Variants in NRXN3 observed in about 807,000 individuals in gnomAD.
The protein encoded by NRXN3 is neurexin III.
Under a neutral mutation model 137.6 loss-of-function variants are expected in NRXN3, and 32 were observed. The observed-to-expected ratio is 0.23, with a 90% CI of 0.18 to 0.31. The LOEUF (loss-of-function observed/expected upper bound fraction) is 0.31, where lower values mean the gene tolerates loss of function less well. Among genes scored for constraint, NRXN3 ranks in the 10% least tolerant of loss-of-function variants. NRXN3 has a pLI of 1.00. For missense variants in NRXN3, 1,574 were observed against 2,062.5 expected, an observed-to-expected ratio of 0.76 and a Z score of 4.59; for synonymous variants, 798 against 784.5, an observed-to-expected ratio of 1.02 and a Z score of -0.29.
chr14:79,163,626 T>C (rs2061010966), intron 15 of NRXN3, among the ~76,000 whole-genome samples: 1 of 151,964 alleles, frequency 6.6e-6, no homozygotes, highest in African/African-American at 2.4e-5. Flanking sequence ...TATCTCTTCC[T>C]TATTCCTCCA....
chr14:79,649,662 T>C (rs2098467061), intron 16 of NRXN3, among the ~76,000 whole-genome samples: 1 of 152,192 alleles, frequency 6.6e-6, no homozygotes, highest in Non-Finnish European at 1.5e-5. Flanking sequence ...TTTTAGAAAG[T>C]AGAAAAGCTG....
chr14:79,237,317 T>C (rs2073553342), intron 15 of NRXN3, among the ~76,000 whole-genome samples: 1 of 152,132 alleles, frequency 6.6e-6, no homozygotes, highest in Non-Finnish European at 1.5e-5. Flanking sequence ...TAGTGATACA[T>C]TTAAGATTAA....
At chr14:78,796,878 C>G (rs567479929) in intron 8 of NRXN3, among the ~76,000 whole-genome samples, 2 of 152,230 alleles carry the variant, frequency 1.3e-5, no homozygotes, top group East Asian at 3.9e-4. Flanking sequence ...ATCGTTCATT[C>G]TTGGTGGTCT....
At position 78,533,099 on chromosome 14, in the gene NRXN3, C is replaced by CTTTTTT. The variant is rs71452898; in HGVS notation, c.758-112008_758-112003dup. Among the ~76,000 whole-genome samples the CTTTTTT allele has an allele frequency of 9.6e-4, 115 of 120,046 alleles. 5 individuals are homozygous for CTTTTTT. Among genetic ancestry groups the CTTTTTT allele is most frequent in the African/African-American group, 2.4e-3 (75 of 31,862 alleles). 78.8% of individuals were successfully genotyped at this position (120,046 alleles called of 152,430 possible). A position where few individuals can be genotyped will look rare whatever the true frequency, so the allele number is the denominator to read the frequency against. On this transcript the variant is annotated intron_variant, in intron 4 of 20. Coordinates refer to ENST00000335750, the MANE Select transcript of NRXN3 (RefSeq NM_001330195.2). ...ATATCTCTCTCTCTCTCCCTCCAGC[C>CTTTTTT]TTTTTTTTTTTTTTTTTTGAGATGG...
intron 20 of NRXN3, among the ~76,000 whole-genome samples, chr14:79,826,021 A>C (rs1186972415): frequency 6.6e-6 from 1 of 151,932 alleles, no homozygotes; most frequent in African/African-American, 2.4e-5. Flanking sequence ...GTGGGGGGAC[A>C]GTCTCACTCT....
intron 8 of NRXN3, among the ~76,000 whole-genome samples, chr14:78,723,089 C>T (rs1028222688): frequency 5.9e-5 from 9 of 152,098 alleles, no homozygotes; most frequent in African/African-American, 1.9e-4. Flanking sequence ...GTGACAGGGC[C>T]AGCCAGCCAT....
chr14:79,655,488 C>T (rs770083203), intron 16 of NRXN3, among the ~76,000 whole-genome samples: 1 of 152,192 alleles, frequency 6.6e-6, no homozygotes, highest in Non-Finnish European at 1.5e-5. Flanking sequence ...TGCATGTGTG[C>T]CTGTTGTGTG....
chr14:79,730,613 T>A (rs1225765472), intron 19 of NRXN3, among the ~76,000 whole-genome samples: 1 of 152,210 alleles, frequency 6.6e-6, no homozygotes, highest in Non-Finnish European at 1.5e-5. Flanking sequence ...GAGTACATTT[T>A]TATCTCTGTA....
At chr14:79,129,013 C>T (rs904204878) in intron 15 of NRXN3, among the ~76,000 whole-genome samples, 29 of 152,270 alleles carry the variant, frequency 1.9e-4, no homozygotes, top group East Asian at 5.8e-4. Flanking sequence ...TCTGTGGGAT[C>T]GGTGGAGATA....
At chr14:78,692,967 C>T (rs1199051612) in intron 6 of NRXN3, among the ~76,000 whole-genome samples, 5 of 151,708 alleles carry the variant, frequency 3.3e-5, no homozygotes, top group African/African-American at 1.2e-4. Context: ...TCTGCAGTCC[C>T]AGCTACTCAG....
chr14:79,304,742 T>C (rs967234263), intron 15 of NRXN3, among the ~76,000 whole-genome samples: 2 of 152,102 alleles, frequency 1.3e-5, no homozygotes, highest in Admixed American at 6.6e-5. Context: ...CAAGCAAGTC[T>C]AAGGCCACTT....
intron 15 of NRXN3, among the ~76,000 whole-genome samples, chr14:79,225,092 C>G (rs1168565243): frequency 2.0e-5 from 3 of 152,084 alleles, no homozygotes; most frequent in African/African-American, 7.2e-5. Context: ...TTTTGGAAGC[C>G]AGATATGGAG....
At chr14:78,977,642 AC>A (rs2099472662) in intron 14 of NRXN3, among the ~76,000 whole-genome samples, 2 of 152,098 alleles carry the variant, frequency 1.3e-5, no homozygotes, top group African/African-American at 4.8e-5. Context: ...TCTTACAAAT[AC>A]CCTACCTGCA....
intron 4 of NRXN3, among the ~76,000 whole-genome samples, chr14:78,515,851 T>G (rs989066885): frequency 6.6e-6 from 1 of 152,144 alleles, no homozygotes; most frequent in Non-Finnish European, 1.5e-5. Flanking sequence ...TCCTCATTTC[T>G]TTGACGTCCT....
At chr14:78,782,663 A>C (rs918909023) in intron 8 of NRXN3, among the ~76,000 whole-genome samples, 6 of 152,216 alleles carry the variant, frequency 3.9e-5, no homozygotes, top group Non-Finnish European at 7.3e-5. Flanking sequence ...TGCCTGAATG[A>C]ATGGATGAGG....
At chr14:79,200,946 A>G (rs1432228727) in intron 15 of NRXN3, 2 of 146,858 alleles carry the variant, frequency 1.4e-5, no homozygotes, top group Non-Finnish European at 3.0e-5. Flanking sequence ...AATACGTATT[A>G]TATAAGATTT....
At chr14:79,401,086 T>C (rs1311328840) in intron 15 of NRXN3, among the ~76,000 whole-genome samples, 2 of 152,194 alleles carry the variant, frequency 1.3e-5, no homozygotes, top group Admixed American at 6.5e-5. Context: ...TAGTGTCCAG[T>C]CTAATCTCTT....
At chr14:78,396,059 C>T (rs551944285) in intron 4 of NRXN3, among the ~76,000 whole-genome samples, 1 of 151,724 alleles carries the variant, frequency 6.6e-6, no homozygotes, top group South Asian at 2.1e-4. Flanking sequence ...TTTTCTTTTT[C>T]TGCCTTCCTG....
intron 4 of NRXN3, among the ~76,000 whole-genome samples, chr14:78,622,920 A>T (rs1468279732): frequency 1.3e-5 from 2 of 152,238 alleles, no homozygotes; most frequent in Non-Finnish European, 2.9e-5. Flanking sequence ...CTTAAAGTGC[A>T]ATTTTTAATA....
Sources: allele counts gnomAD v4.1 joint callset (sites outside exome capture counted in the v4.1 genomes callset), GRCh38; gene constraint gnomAD v4.1.1; transcripts MANE v1.5; gene names NCBI Gene and HGNC (gene_info 2026-07-23, HGNC 2026-07-21).